FCHSD2: variants seen among roughly 807,000 people sequenced by gnomAD.
FCHSD2 encodes the protein FCH and double SH3 domains 2.
FCHSD2 carries 38 observed loss-of-function variants against 108.1 expected under a neutral mutation model. That is an observed-to-expected ratio of 0.35 (90% CI 0.27 to 0.46). The LOEUF (loss-of-function observed/expected upper bound fraction) is 0.46, where lower values mean the gene tolerates loss of function less well. FCHSD2 is among the 20% of genes least tolerant of loss of function. FCHSD2 has a pLI of 1.00. For missense variants in FCHSD2, 751 were observed against 897.8 expected, an observed-to-expected ratio of 0.84 and a Z score of 2.09; for synonymous variants, 279 against 314.7, an observed-to-expected ratio of 0.89 and a Z score of 1.20.
At position 73,096,987 on chromosome 11, in the gene FCHSD2, A is replaced by AATTTTTTTTT. The variant is rs1860095700; in HGVS notation, c.120-13248_120-13247insAAAAAAAAAT. 1.9e-3 allele frequency among the ~76,000 whole-genome samples: 51 copies of AATTTTTTTTT among 27,050 alleles called. 3 individuals carry two copies. Among genetic ancestry groups the AATTTTTTTTT allele is most frequent in the African/African-American group, 9.9e-3 (50 of 5,068 alleles). 17.7% of individuals were successfully genotyped at this position (27,050 alleles called of 152,430 possible). ...CTAATGTGATGTATTTCATTGATGG[A>AATTTTTTTTT]TTTTTTTTTTTTTTTTTTTTTTTTT... is the stretch of plus-strand genomic sequence containing the variant. On this transcript the variant is annotated intron_variant, in intron 2 of 19. Coordinates refer to ENST00000409418, the MANE Select transcript of FCHSD2 (RefSeq NM_014824.3).
intron 3 of FCHSD2, among the ~76,000 whole-genome samples, chr11:73,069,310 C>CAAAAAAAAAAAAAA: frequency 2.2e-5 from 1 of 45,986 alleles, no homozygotes; most frequent in Non-Finnish European, 4.3e-5. Context: ...AACTCTGTCT[C>CAAAAAAAAAAAAAA]AAAAAAAAAA....
At chr11:73,055,342 C>T (rs914298275) in intron 3 of FCHSD2, among the ~76,000 whole-genome samples, 4 of 72,958 alleles carry the variant, frequency 5.5e-5, no homozygotes, top group Non-Finnish European at 1.4e-4. Context: ...GACCCTGTCT[C>T]GAAAAAAAAA....
intron 2 of FCHSD2, among the ~76,000 whole-genome samples, chr11:73,086,079 C>A (rs963637031): frequency 6.6e-6 from 1 of 152,120 alleles, no homozygotes; most frequent in Non-Finnish European, 1.5e-5. Context: ...AGCAGTGCTA[C>A]GGGGGAAATT....
At chr11:72,986,505 G>A (rs563926430) in intron 6 of FCHSD2, among the ~76,000 whole-genome samples, 3 of 152,234 alleles carry the variant, frequency 2.0e-5, no homozygotes, top group Non-Finnish European at 4.4e-5. Flanking sequence ...CACCGTGCCC[G>A]GCCCCAATTA....
chr11:73,036,538 A>G (rs770182334), intron 3 of FCHSD2, among the ~76,000 whole-genome samples: 2 of 152,186 alleles, frequency 1.3e-5, no homozygotes, highest in African/African-American at 2.4e-5. Flanking sequence ...AATGATGAGT[A>G]CAATGACTAG....
At chr11:72,917,897 A>C (rs1230999692) in intron 9 of FCHSD2, among the ~76,000 whole-genome samples, 2 of 152,158 alleles carry the variant, frequency 1.3e-5, no homozygotes, top group Non-Finnish European at 2.9e-5. Flanking sequence ...CAAATTAAAA[A>C]AAAAAAAAAA....
chr11:73,042,726 T>C (rs1858671342), intron 3 of FCHSD2, among the ~76,000 whole-genome samples: 1 of 152,172 alleles, frequency 6.6e-6, no homozygotes, highest in Non-Finnish European at 1.5e-5. Context: ...TTCTCTTTAA[T>C]TTTTTTCATC....
intron 8 of FCHSD2, among the ~76,000 whole-genome samples, chr11:72,924,751 G>A (rs1283144074): frequency 8.1e-5 from 12 of 147,414 alleles, no homozygotes; most frequent in African/African-American, 2.5e-4. Context: ...ACCTTCTATA[G>A]TGCTTACACC....
chr11:72,936,769 C>G (rs1856311120), intron 8 of FCHSD2, among the ~76,000 whole-genome samples: 1 of 151,972 alleles, frequency 6.6e-6, no homozygotes. Flanking sequence ...TATTTGATTC[C>G]TTTTTATAAT....
At chr11:72,972,780 G>A (rs1377690657) in intron 8 of FCHSD2, among the ~76,000 whole-genome samples, 1 of 152,122 alleles carries the variant, frequency 6.6e-6, no homozygotes, top group Non-Finnish European at 1.5e-5. Flanking sequence ...CTTGTTTCTG[G>A]CTCAATGACA....
intron 10 of FCHSD2, among the ~76,000 whole-genome samples, chr11:72,901,954 A>G (rs1299563522): frequency 6.6e-6 from 1 of 150,554 alleles, no homozygotes. Flanking sequence ...GGCTCACTGT[A>G]ACCTCTGCCT....
chr11:73,061,527 C>T, intron 3 of FCHSD2, among the ~76,000 whole-genome samples: 1 of 152,188 alleles, frequency 6.6e-6, no homozygotes, highest in East Asian at 1.9e-4. Flanking sequence ...CGGGTCCCAC[C>T]CCCACGGAGC....
intron 3 of FCHSD2, among the ~76,000 whole-genome samples, chr11:73,049,248 T>C (rs1245677124): frequency 2.0e-5 from 3 of 152,132 alleles, no homozygotes; most frequent in African/African-American, 7.2e-5. Flanking sequence ...GTGCCCAGTA[T>C]ATATGAAGTA....
intron 5 of FCHSD2, among the ~76,000 whole-genome samples, chr11:72,991,225 T>C (rs1857406450): frequency 6.6e-6 from 1 of 152,054 alleles, no homozygotes; most frequent in African/African-American, 2.4e-5. Context: ...AATTAATAGC[T>C]TACCAACCAA....
intron 3 of FCHSD2, among the ~76,000 whole-genome samples, chr11:73,069,263 A>G (rs985317698): frequency 1.3e-5 from 2 of 148,914 alleles, no homozygotes; most frequent in African/African-American, 5.0e-5. Flanking sequence ...GTGAGCAGAG[A>G]TCACACCACT....
At chr11:72,945,085 T>C (rs1425893905) in intron 8 of FCHSD2, among the ~76,000 whole-genome samples, 1 of 152,202 alleles carries the variant, frequency 6.6e-6, no homozygotes, top group Non-Finnish European at 1.5e-5. Flanking sequence ...AGAGCCTGCA[T>C]TGCCAAGTCA....
At chr11:73,102,093 A>G (rs1159784263) in intron 2 of FCHSD2, among the ~76,000 whole-genome samples, 1 of 152,222 alleles carries the variant, frequency 6.6e-6, no homozygotes, top group Non-Finnish European at 1.5e-5. Flanking sequence ...GCACTTCATT[A>G]AAAACTTATC....
At chr11:73,064,050 C>T (rs569349502) in intron 3 of FCHSD2, among the ~76,000 whole-genome samples, 1 of 152,288 alleles carries the variant, frequency 6.6e-6, no homozygotes, top group Admixed American at 6.5e-5. Context: ...GTAAAACACT[C>T]CTCAGCAAAT....
chr11:73,022,036 G>A (rs1247089664), intron 3 of FCHSD2, among the ~76,000 whole-genome samples: 3 of 152,148 alleles, frequency 2.0e-5, no homozygotes, highest in Non-Finnish European at 4.4e-5. Context: ...CAAGGCTGCA[G>A]TGAGCCATGA....
Sources: gnomAD v4.1 joint callset for allele counts (sites outside exome capture counted in the v4.1 genomes callset) on GRCh38, gnomAD v4.1.1 for gene constraint, MANE v1.5 for transcripts, NCBI Gene and HGNC (gene_info 2026-07-23, HGNC 2026-07-21) for gene names.